MROH1: variants seen among roughly 807,000 people sequenced by gnomAD.
MROH1 encodes maestro heat like repeat family member 1, also known as maestro heat-like repeat-containing protein family member 1.
MROH1 carries 117 observed loss-of-function variants against 116.5 expected under a neutral mutation model. The ratio of observed to expected loss-of-function variants is 1.00; its 90% CI spans 0.86 to 1.17. MROH1 has a LOEUF of 1.17. MROH1 is among the 50% of genes most tolerant of loss of function. The probability of loss-of-function intolerance (pLI) is 0.00; values close to 1 mark genes in which losing one functional copy is unlikely to be tolerated. For synonymous variants in MROH1, 921 were observed against 583.9 expected, an observed-to-expected ratio of 1.58 and a Z score of -8.32; for missense variants, 1,873 against 1,338.5, an observed-to-expected ratio of 1.40 and a Z score of -6.23.
chr8:144,176,569 T>C (rs1028996658), intron 4 of MROH1, among the ~76,000 whole-genome samples: 4 of 148,142 alleles, frequency 2.7e-5, no homozygotes, highest in African/African-American at 9.9e-5. Flanking sequence ...TGGCCCGGTA[T>C]GATGGCTCAT....
At chr8:144,218,225 A>C (rs776777870) in intron 12 of MROH1, among the ~76,000 whole-genome samples, 3 of 152,134 alleles carry the variant, frequency 2.0e-5, no homozygotes, top group South Asian at 2.1e-4. Flanking sequence ...CTGGTGCAGG[A>C]ACATTACCCG....
chr8:144,158,454 A>G (rs1818698478), intron 1 of MROH1, among the ~76,000 whole-genome samples: 1 of 152,118 alleles, frequency 6.6e-6, no homozygotes, highest in South Asian at 2.1e-4. Context: ...AGTTGAACTC[A>G]TTATTTTTTT....
At chr8:144,164,886 T>C (rs899431653) in intron 3 of MROH1, among the ~76,000 whole-genome samples, 2 of 152,242 alleles carry the variant, frequency 1.3e-5, no homozygotes, top group African/African-American at 2.4e-5. Context: ...GCACATTCAA[T>C]GTCTGTGAGG....
intron 12 of MROH1, among the ~76,000 whole-genome samples, chr8:144,207,148 G>A (rs182666869): frequency 6.6e-6 from 1 of 151,146 alleles, no homozygotes; most frequent in Admixed American, 6.6e-5. Context: ...GCGTATATAT[G>A]TTGAAGTTCC....
chr8:144,260,582 G>A (rs1027293215), intron 39 of MROH1, 95 bp from the exon 40 acceptor site: 1 of 763,962 alleles, frequency 1.3e-6, no homozygotes, highest in South Asian at 1.3e-5. Context: ...CCTGGCCCGG[G>A]TCAGGCAAGG....
intron 4 of MROH1, chr8:144,175,200 G>T (rs1823515476): frequency 1.0e-6 from 1 of 974,814 alleles, no homozygotes. Context: ...GGTCGAGTGG[G>T]TATAAATGCC....
chr8:144,153,181 G>A (rs1366981636), intron 1 of MROH1, among the ~76,000 whole-genome samples: 5 of 151,442 alleles, frequency 3.3e-5, no homozygotes, highest in Admixed American at 2.6e-4. Context: ...CCCATTTCTC[G>A]CAAATGACAG....
rs1480767695 is a variant in MROH1 at position 144,180,549 on chromosome 8, G to A, written c.562+26G>A. 1 of 1,599,918 alleles carries A rather than the reference G, an allele frequency of 6.3e-7. No individual in the cohort carries two copies. The highest frequency in any genetic ancestry group is 1.7e-5 in the Admixed American group (1 of 59,940). ...GTAAGAGGCGGCCTCGTCACCTTCT[G>A]TCTCAAGTGCCCCTTTGTGGGGGGC... On this transcript the variant is annotated intron_variant, in intron 7 of 43. Coordinates refer to ENST00000326134, the MANE Select transcript of MROH1 (RefSeq NM_032450.3). This position sits in a 1 kb window ranked among gnomAD's most constrained non-coding sequence, Gnocchi z 7.4.
intron 4 of MROH1, among the ~76,000 whole-genome samples, chr8:144,169,481 C>T (rs1821883497): frequency 7.0e-6 from 1 of 143,590 alleles, no homozygotes; most frequent in Non-Finnish European, 1.5e-5. Context: ...GAGATGGAGT[C>T]TCACTCTGTT....
In MROH1 at chr8:144,244,000, T is replaced by C. The variant is rs1482399644; in HGVS notation, c.2555+58T>C. 1.7e-5 allele frequency: 13 copies of C among 760,694 alleles called. No homozygotes were observed. In the African/African-American group the frequency reaches 2.2e-4, roughly 13 times the overall value. The allele number at this position is 760,694 out of a possible 1,614,324, so 47.1% of individuals were successfully genotyped here. On this transcript the variant is annotated intron_variant, in intron 26 of 43. Transcript: ENST00000326134. The stretch of plus-strand genomic sequence containing the variant: ...AGCTGCGTGTGTGCGTGCATGTGTG[T>C]GCATTGTGTGTGCACGTGTATGCGC...
intron 32 of MROH1, among the ~76,000 whole-genome samples, chr8:144,249,486 C>T (rs1842473609): frequency 6.6e-6 from 1 of 152,096 alleles, no homozygotes; most frequent in Non-Finnish European, 1.5e-5. Context: ...TAGGGGTCAC[C>T]ATGGCTGAGG....
intron 33 of MROH1, chr8:144,251,237 G>T (rs1224765877): frequency 1.9e-5 from 3 of 153,974 alleles, no homozygotes; most frequent in Non-Finnish European, 4.3e-5. Context: ...GGACCCGCAG[G>T]CACCTTCTGC....
chr8:144,213,260 C>G, intron 12 of MROH1: 1 of 617,508 alleles, frequency 1.6e-6, no homozygotes, highest in African/African-American at 1.8e-5. Context: ...AGCTCTTTCT[C>G]TGTAGGTTCC....
At position 144,255,379 on chromosome 8, in the gene MROH1, C is replaced by T. The variant is rs1036684126; in HGVS notation, c.3595-130C>T. 340 of 671,740 alleles carry T rather than the reference C, an allele frequency of 5.1e-4. 1 individual carries two copies. Among genetic ancestry groups the T allele is most frequent in the East Asian group, 4.8e-3 (178 of 36,856 alleles). 41.6% of individuals were successfully genotyped at this position (671,740 alleles called of 1,614,324 possible). On this transcript the variant is annotated intron_variant, in intron 34 of 43. Coordinates refer to ENST00000326134, the MANE Select transcript of MROH1 (RefSeq NM_032450.3). ...GCAGTGGTGCGCCTCGCCCTTCCTG[C>T]GCTGCAGCTGGGATCTGAGACCTCC...
At chr8:144,233,346 AC>A (rs113676809) in intron 14 of MROH1, among the ~76,000 whole-genome samples, 1 of 90,064 alleles carries the variant, frequency 1.1e-5, no homozygotes, top group African/African-American at 3.9e-5. Flanking sequence ...CAGCTCCTGC[AC>A]CCACCATCAA....
intron 1 of MROH1, among the ~76,000 whole-genome samples, chr8:144,154,853 C>G (rs1587709078): frequency 6.6e-6 from 1 of 151,456 alleles, no homozygotes; most frequent in East Asian, 1.9e-4. Context: ...ATGGCTTGCT[C>G]TGTGGCCCAG....
At chr8:144,164,236 C>T (rs900539581) in intron 3 of MROH1, among the ~76,000 whole-genome samples, 1 of 151,674 alleles carries the variant, frequency 6.6e-6, no homozygotes, top group Non-Finnish European at 1.5e-5. Flanking sequence ...GAAACCCCGT[C>T]TCTCCTAAAA....
intron 8 of MROH1, 27 bp downstream of exon 8, chr8:144,190,962 C>G (rs763522409): frequency 6.3e-7 from 1 of 1,593,798 alleles, no homozygotes; most frequent in East Asian, 2.3e-5. Context: ...CATCAGTCCA[C>G]GCCTGATGCC....
At position 144,225,923 on chromosome 8, in the gene MROH1, T is replaced by G. The variant is rs184630918; in HGVS notation, c.1338+2693T>G. The stretch of plus-strand genomic sequence containing the variant: ...GATTCATTTTTAGTTTTTTTTTTTT[T>G]TTTTTTTTTTAGGTGGCGTCTCACC... On this transcript the variant is annotated intron_variant, in intron 14 of 43. Coordinates refer to ENST00000326134, the MANE Select transcript of MROH1 (RefSeq NM_032450.3). Among the ~76,000 whole-genome samples the G allele has an allele frequency of 6.6e-3, 960 of 144,832 alleles. 11 individuals carry two copies. The highest frequency in any genetic ancestry group is 0.023 in the African/African-American group (906 of 39,222).
Sources: allele counts gnomAD v4.1 joint callset (sites outside exome capture counted in the v4.1 genomes callset), GRCh38; gene constraint gnomAD v4.1.1; non-coding constraint Gnocchi (gnomAD v3.1); transcripts MANE v1.5; gene names NCBI Gene and HGNC (gene_info 2026-07-23, HGNC 2026-07-21).